SPIDR: variants seen among roughly 807,000 people sequenced by gnomAD.
SPIDR encodes the protein scaffold protein involved in DNA repair.
In SPIDR, 93 loss-of-function variants were observed where a neutral mutation model predicts 104.6. The ratio of observed to expected loss-of-function variants is 0.89; its 90% CI spans 0.75 to 1.06. The LOEUF is 1.06. Among genes scored for constraint, SPIDR ranks in the 50% least tolerant of loss-of-function variants. The probability of loss-of-function intolerance (pLI) is 0.00; values close to 1 mark genes in which losing one functional copy is unlikely to be tolerated. For synonymous variants in SPIDR, 431 were observed against 416.9 expected, an observed-to-expected ratio of 1.03 and a Z score of -0.41; for missense variants, 1,154 against 1,111.2, an observed-to-expected ratio of 1.04 and a Z score of -0.55.
In SPIDR at chr8:47,468,031, C is replaced by T. The variant is rs114918096; in HGVS notation, c.1097+27489C>T. 3.2e-3 allele frequency among the ~76,000 whole-genome samples: 482 copies of T among 152,108 alleles called. 1 individual carries two copies. Among genetic ancestry groups the T allele is most frequent in the African/African-American group, 0.011 (454 of 41,512 alleles). On this transcript the variant is annotated intron_variant, in intron 8 of 19. Transcript: ENST00000297423. ...AAAGTCTCAGGATGCAAAATCAGTGCGCAAAATTCACTAGCATTTCTATAC... is the reference window on the plus strand; with the variant it reads ...AAAGTCTCAGGATGCAAAATCAGTGTGCAAAATTCACTAGCATTTCTATAC...
At chr8:47,598,164 G>A (rs183417520) in intron 9 of SPIDR, among the ~76,000 whole-genome samples, 1 of 152,300 alleles carries the variant, frequency 6.6e-6, no homozygotes, top group East Asian at 1.9e-4. Flanking sequence ...AATCCCATGA[G>A]ATTCATTTTT....
At chr8:47,713,121 T>G (rs960083293) in intron 15 of SPIDR, 2 of 965,668 alleles carry the variant, frequency 2.1e-6, no homozygotes, top group Non-Finnish European at 2.8e-6. Context: ...CCCATACTGC[T>G]GCAGACTCCA....
At chr8:47,537,100 A>C (rs546985684) in intron 8 of SPIDR, among the ~76,000 whole-genome samples, 1 of 152,236 alleles carries the variant, frequency 6.6e-6, no homozygotes, top group African/African-American at 2.4e-5. Flanking sequence ...CAGAACTATC[A>C]TTCATTGCTG....
chr8:47,261,844 A>C (rs1368981233), intron 1 of SPIDR, among the ~76,000 whole-genome samples: 1 of 152,228 alleles, frequency 6.6e-6, no homozygotes, highest in Non-Finnish European at 1.5e-5. Flanking sequence ...AATTCATTTC[A>C]GGCACCTCTT....
At chr8:47,732,939 C>G (rs540470010) in intron 19 of SPIDR, among the ~76,000 whole-genome samples, 1 of 152,258 alleles carries the variant, frequency 6.6e-6, no homozygotes, top group Admixed American at 6.5e-5. Context: ...AAGTTTGTTT[C>G]CTTAGCTTTC....
chr8:47,426,266 G>A (rs1006735467), intron 7 of SPIDR, among the ~76,000 whole-genome samples: 18 of 151,962 alleles, frequency 1.2e-4, no homozygotes, highest in Admixed American at 2.0e-4. Context: ...AAAAAACAAA[G>A]CAAAACAAAA....
At chr8:47,480,812 G>A (rs1289369198) in intron 8 of SPIDR, among the ~76,000 whole-genome samples, 1 of 152,174 alleles carries the variant, frequency 6.6e-6, no homozygotes, top group African/African-American at 2.4e-5. Context: ...CCTATGAGAG[G>A]TTTCTTCATT....
chr8:47,592,728 A>C, intron 8 of SPIDR: 1 of 556,394 alleles, frequency 1.8e-6, no homozygotes, highest in Non-Finnish European at 3.3e-6. Context: ...ATCTGCATAC[A>C]TTTAGAACCA....
chr8:47,690,293 G>A (rs910060968), intron 11 of SPIDR, among the ~76,000 whole-genome samples: 5 of 152,028 alleles, frequency 3.3e-5, no homozygotes, highest in African/African-American at 7.2e-5. Context: ...AGGGGTGCGC[G>A]TGCACGTGCG....
At chr8:47,517,597 G>A (rs1282649987) in intron 8 of SPIDR, among the ~76,000 whole-genome samples, 1 of 152,122 alleles carries the variant, frequency 6.6e-6, no homozygotes, top group East Asian at 1.9e-4. Flanking sequence ...AAATGATTAT[G>A]TTCATCTATC....
intron 7 of SPIDR, among the ~76,000 whole-genome samples, chr8:47,419,740 T>C (rs1554678383): frequency 6.6e-6 from 1 of 152,224 alleles, no homozygotes; most frequent in Non-Finnish European, 1.5e-5. Context: ...TTTCCTGCTT[T>C]CTCTTGTGGG....
intron 16 of SPIDR, among the ~76,000 whole-genome samples, chr8:47,714,926 G>C (rs977288823): frequency 4.6e-4 from 70 of 152,120 alleles, no homozygotes; most frequent in African/African-American, 1.6e-3. Context: ...TGGGGTTTAT[G>C]GACTTTTTAA....
At chr8:47,638,421 G>A (rs1299884738) in intron 10 of SPIDR, among the ~76,000 whole-genome samples, 1 of 152,178 alleles carries the variant, frequency 6.6e-6, no homozygotes, top group Non-Finnish European at 1.5e-5. Context: ...TGGGATTACA[G>A]GCGTGAGCCA....
chr8:47,591,020 C>T (rs968060141), intron 8 of SPIDR, among the ~76,000 whole-genome samples: 2 of 151,932 alleles, frequency 1.3e-5, no homozygotes, highest in Non-Finnish European at 2.9e-5. Context: ...TTACTTTCAT[C>T]CTACCTATAT....
intron 8 of SPIDR, chr8:47,511,416 A>G (rs2082302849): frequency 1.2e-6 from 1 of 822,224 alleles, no homozygotes; most frequent in Non-Finnish European, 2.2e-6. Flanking sequence ...TGGACTTCAT[A>G]AAGTCCTCGT....
chr8:47,286,848 C>T (rs1228364901), intron 3 of SPIDR, among the ~76,000 whole-genome samples: 2 of 152,292 alleles, frequency 1.3e-5, no homozygotes, highest in South Asian at 4.1e-4. Context: ...TCAGATCATC[C>T]AGAATCTTAG....
At position 47,702,081 on chromosome 8, in the gene SPIDR, TCTCTCTCTCTCTCTCTTACACACA is replaced by T. The variant is rs751530874; in HGVS notation, c.1977+68_1977+91del. On this transcript the variant is annotated intron_variant, in intron 14 of 19. Coordinates refer to ENST00000297423, the MANE Select transcript of SPIDR (RefSeq NM_001080394.4). ...CTCTCTCTCTCTCTCTCTCTCTCTC[TCTCTCTCTCTCTCTCTTACACACA>T]CACACACACACACACACACACACAC... The T allele has an allele frequency of 7.6e-3, 2,715 of 357,332 alleles. 52 individuals carry two copies. The highest frequency in any genetic ancestry group is 9.6e-3 in the Non-Finnish European group (2,143 of 223,910). 22.1% of individuals were successfully genotyped at this position (357,332 alleles called of 1,614,324 possible).
intron 8 of SPIDR, among the ~76,000 whole-genome samples, chr8:47,453,838 C>T (rs1242993781): frequency 1.3e-5 from 2 of 152,158 alleles, no homozygotes; most frequent in Non-Finnish European, 2.9e-5. Context: ...AGACACTTCT[C>T]AAAGGAAGAC....
At chr8:47,360,555 G>A (rs532798735) in intron 5 of SPIDR, among the ~76,000 whole-genome samples, 2 of 152,286 alleles carry the variant, frequency 1.3e-5, no homozygotes, top group Admixed American at 6.5e-5. Context: ...AGAGGGCTCT[G>A]TTTGACTGGA....
Sources: gnomAD v4.1 joint callset for allele counts (sites outside exome capture counted in the v4.1 genomes callset) on GRCh38, gnomAD v4.1.1 for gene constraint, MANE v1.5 for transcripts, NCBI Gene and HGNC (gene_info 2026-07-23, HGNC 2026-07-21) for gene names.